GPR161: variants seen among roughly 807,000 people sequenced by gnomAD.
GPR161 encodes G protein-coupled receptor 161, also known as G-protein coupled receptor RE2.
Under a neutral mutation model 39.2 loss-of-function variants are expected in GPR161, and 25 were observed. The observed-to-expected ratio is 0.64, with a 90% CI of 0.47 to 0.89. The LOEUF (loss-of-function observed/expected upper bound fraction) is 0.89, where lower values mean the gene tolerates loss of function less well. Among genes scored for constraint, GPR161 ranks in the 40% least tolerant of loss-of-function variants. The pLI is 0.00. For missense variants in GPR161, 547 were observed against 677.8 expected, an observed-to-expected ratio of 0.81 and a Z score of 2.14; for synonymous variants, 286 against 276.6, an observed-to-expected ratio of 1.03 and a Z score of -0.34.
rs1452778386 is a variant in GPR161, at chr1:168,085,160, G to A, written c.*371C>T. The stretch of plus-strand genomic sequence containing the variant: ...GGCTGGACTCCCAGCACACTGTGAA[G>A]AGGAGGAAATGATGCATGTGGGGGT... On this transcript the variant is annotated 3_prime_UTR_variant, in exon 6 of 6. Transcript: ENST00000682931. The A allele has an allele frequency of 2.2e-6, 1 of 449,484 alleles. No homozygotes were observed. Among genetic ancestry groups the A allele is most frequent in the Non-Finnish European group, 4.4e-6 (1 of 227,612 alleles). 27.8% of individuals were successfully genotyped at this position (449,484 alleles called of 1,614,324 possible).
At position 168,084,860 on chromosome 1, in the gene GPR161, T is replaced by TGTCAGTAGGGAA. The variant is rs1384078502; in HGVS notation, c.*659_*670dup. On this transcript the variant is annotated 3_prime_UTR_variant, in exon 6 of 6. Coordinates refer to ENST00000682931, the MANE Select transcript of GPR161 (RefSeq NM_001375883.1). ...CTCCCTTTTGAAATACCAAAGAACT[T>TGTCAGTAGGGAA]GTCAGTAGGGAAGTAGGCAGGGTGG... is the stretch of plus-strand genomic sequence containing the variant. 2 of 456,196 alleles carry TGTCAGTAGGGAA rather than the reference T, an allele frequency of 4.4e-6. No individual in the cohort carries two copies. The highest frequency in any genetic ancestry group is 4.7e-5 in the Admixed American group (2 of 42,574). The allele number at this position is 456,196 out of a possible 1,614,324, so 28.3% of individuals were successfully genotyped here.
intron 1 of GPR161, among the ~76,000 whole-genome samples, chr1:168,115,845 G>T (rs187044827): frequency 7.9e-5 from 12 of 151,406 alleles, no homozygotes; most frequent in Admixed American, 2.6e-4. Context: ...GCGCGATCTC[G>T]GCTCACTGCA....
At chr1:168,130,385 T>A (rs1380237872) in intron 1 of GPR161, among the ~76,000 whole-genome samples, 1 of 152,154 alleles carries the variant, frequency 6.6e-6, no homozygotes, top group Non-Finnish European at 1.5e-5. Flanking sequence ...TCACATTGGA[T>A]TTGAACCTGC....
chr1:168,091,145 T>C (rs1695021204), intron 3 of GPR161, among the ~76,000 whole-genome samples: 1 of 152,072 alleles, frequency 6.6e-6, no homozygotes, highest in South Asian at 2.1e-4. Flanking sequence ...TGACCCGGAA[T>C]AGAGAACTGA....
intron 1 of GPR161, chr1:168,136,415 G>C: frequency 1.5e-6 from 2 of 1,360,992 alleles, no homozygotes; most frequent in Non-Finnish European, 1.9e-6. Flanking sequence ...CTGTTTAGGG[G>C]CTTCGGGCGG....
Position 168,081,180 on chromosome 1 carries a change from A to C in GPR161, c.*4351T>G, listed in dbSNP as rs1243753175. ...CGCCCGGCTGAGGATAGACATTTTTAATAGAAAATCTCATTTTGGCTCCCT... is the reference window on the plus strand; with the variant it reads ...CGCCCGGCTGAGGATAGACATTTTTCATAGAAAATCTCATTTTGGCTCCCT... On this transcript the variant is annotated 3_prime_UTR_variant, in exon 6 of 6. Coordinates refer to ENST00000682931, the MANE Select transcript of GPR161 (RefSeq NM_001375883.1). The C allele has an allele frequency of 6.6e-6, 1 of 152,074 alleles. No homozygotes were observed. Among genetic ancestry groups the C allele is most frequent in the African/African-American group, 2.4e-5 (1 of 41,412 alleles). The allele number at this position is 152,074 out of a possible 1,614,324, so 9.4% of individuals were successfully genotyped here.
intron 5 of GPR161, among the ~76,000 whole-genome samples, chr1:168,087,174 G>A (rs1694593940): frequency 6.6e-6 from 1 of 152,198 alleles, no homozygotes; most frequent in African/African-American, 2.4e-5. Context: ...CTGTAGGAGC[G>A]ACGGACAAGC....
At chr1:168,107,288 C>G (rs1002363726) in intron 1 of GPR161, among the ~76,000 whole-genome samples, 2 of 152,124 alleles carry the variant, frequency 1.3e-5, no homozygotes, top group Non-Finnish European at 2.9e-5. Context: ...GGTTTGAATG[C>G]CTGTACCTTC....
chr1:168,101,372 G>A (rs1283176972), intron 2 of GPR161, among the ~76,000 whole-genome samples: 2 of 152,196 alleles, frequency 1.3e-5, no homozygotes, highest in Non-Finnish European at 2.9e-5. Context: ...TCCAGCATCT[G>A]GTGGGTAGAG....
chr1:168,079,843 T>C lies in GPR161; in HGVS notation c.*5688A>G, dbSNP rs552105269. 4.8e-4 allele frequency: 73 copies of C among 152,260 alleles called. No individual in the cohort carries two copies. The highest frequency in any genetic ancestry group is 1.7e-3 in the African/African-American group (71 of 41,554). The allele number at this position is 152,260 out of a possible 1,614,324, so 9.4% of individuals were successfully genotyped here. A position where few individuals can be genotyped will look rare whatever the true frequency, so the allele number is the denominator to read the frequency against. On this transcript the variant is annotated 3_prime_UTR_variant, in exon 6 of 6. Coordinates refer to ENST00000682931, the MANE Select transcript of GPR161 (RefSeq NM_001375883.1). ...GTCTTGTCTGCCAGGCCTGTGATTCTCCCTAGGACTGTCTTTTCCTCTGGG... is the reference window on the plus strand; with the variant it reads ...GTCTTGTCTGCCAGGCCTGTGATTCCCCCTAGGACTGTCTTTTCCTCTGGG...
chr1:168,134,590 G>C (rs906210670), intron 1 of GPR161, among the ~76,000 whole-genome samples: 1 of 152,074 alleles, frequency 6.6e-6, no homozygotes, highest in Admixed American at 6.5e-5. Flanking sequence ...TGCTTCCCAA[G>C]GTCTCACACA....
At chr1:168,099,696 C>T (rs1041102261) in intron 2 of GPR161, among the ~76,000 whole-genome samples, 15 of 152,138 alleles carry the variant, frequency 9.9e-5, no homozygotes, top group Admixed American at 7.2e-4. Flanking sequence ...TCCTGAGTGC[C>T]ATCAGGAAGC....
At chr1:168,087,253 G>A (rs1002688012) in intron 5 of GPR161, among the ~76,000 whole-genome samples, 26 of 152,200 alleles carry the variant, frequency 1.7e-4, no homozygotes, top group African/African-American at 6.0e-4. Context: ...TTCCACAGGA[G>A]GAAACTGAGG....
upstream of GPR161, chr1:168,137,317 C>T: frequency 1.3e-6 from 2 of 1,532,902 alleles, no homozygotes. Flanking sequence ...ATTCTTCCCG[C>T]AGGCTCCGCA....
chr1:168,126,696 C>T (rs1439821833), intron 1 of GPR161, among the ~76,000 whole-genome samples: 3 of 152,040 alleles, frequency 2.0e-5, no homozygotes, highest in Admixed American at 6.5e-5. Flanking sequence ...TCAAGCAATC[C>T]GCCCACCATG....
intron 2 of GPR161, 132 bp downstream of exon 2, chr1:168,104,345 A>T: frequency 1.5e-6 from 1 of 674,996 alleles, no homozygotes; most frequent in Non-Finnish European, 2.6e-6. Flanking sequence ...CAGAGGCAGA[A>T]CTCCACCTGG....
Position 168,079,807 on chromosome 1 carries a change from C to G in GPR161, c.*5724G>C, listed in dbSNP as rs1311858346. 6.6e-6 allele frequency: 1 copy of G among 152,194 alleles called. No homozygotes were observed. The highest frequency in any genetic ancestry group is 1.5e-5 in the Non-Finnish European group (1 of 68,046). The allele number at this position is 152,194 out of a possible 1,614,324, so 9.4% of individuals were successfully genotyped here. ...TTAAGCATGCAGGTTCCTTCTACTG[C>G]TCTCAGTGTGGTCTTGTCTGCCAGG... On this transcript the variant is annotated 3_prime_UTR_variant, in exon 6 of 6. Transcript: ENST00000682931.
At chr1:168,110,860 G>A (rs1393254806) in intron 1 of GPR161, among the ~76,000 whole-genome samples, 2 of 151,040 alleles carry the variant, frequency 1.3e-5, no homozygotes, top group Admixed American at 6.6e-5. Flanking sequence ...AGAGGCGGAG[G>A]TTGCAGTCAG....
chr1:168,117,784 T>TG (rs1697760788), intron 1 of GPR161, among the ~76,000 whole-genome samples: 1 of 152,174 alleles, frequency 6.6e-6, no homozygotes, highest in Admixed American at 6.5e-5. Context: ...TGCTACAAGG[T>TG]TGAGCCTCAC....
Sources: gnomAD v4.1 joint callset for allele counts (sites outside exome capture counted in the v4.1 genomes callset) on GRCh38, gnomAD v4.1.1 for gene constraint, MANE v1.5 for transcripts, NCBI Gene and HGNC (gene_info 2026-07-23, HGNC 2026-07-21) for gene names.